Variants in NACA observed in about 807,000 individuals in gnomAD.
NACA encodes nascent polypeptide-associated complex subunit alpha.
In NACA, 42 loss-of-function variants were observed where a neutral mutation model predicts 86.4. The ratio of observed to expected loss-of-function variants is 0.49; its 90% confidence interval spans 0.38 to 0.63. NACA has a LOEUF of 0.63. Ranked by LOEUF, NACA falls within the 20% of genes least tolerant of loss-of-function variation. The probability of loss-of-function intolerance (pLI) is 0.00; values close to 1 mark genes in which losing one functional copy is unlikely to be tolerated. For synonymous variants in NACA, 898 were observed against 973.7 expected (o/e 0.92, Z 1.45); for missense variants, 2,157 against 2,483.6 (o/e 0.87, Z 2.80).
In NACA at chr12:56,719,878, A is replaced by G. The variant is rs756087720; in HGVS notation, c.1652T>C (p.Leu551Pro). The change falls in exon 3 of 9, where the codon CTC becomes CCC. Residue 551 changes from leucine (L) to proline (P), a missense_variant. By Grantham distance (98) the Leu-to-Pro change is moderately conservative (BLOSUM62 -3). Transcript: ENST00000454682. The stretch of plus-strand genomic sequence containing the variant: ...TACAGTAGGGTCTTTCTTGGTGGTG[A>G]GTCCTGCTTGGGCTGGAGAGAAAGG... ...GAPFSPAQAG[L>P]TTKKDPTVLP... 6.2e-7 allele frequency: 1 copy of G among 1,613,860 alleles called. No homozygotes were observed. Among genetic ancestry groups the G allele is most frequent in the Non-Finnish European group, 8.5e-7 (1 of 1,179,844 alleles).
intron 3 of NACA, among the ~76,000 whole-genome samples, chr12:56,715,539 T>A (rs1007927641): frequency 6.6e-6 from 1 of 152,084 alleles, no homozygotes; most frequent in Admixed American, 6.6e-5. Flanking sequence ...TGGTAGGGAT[T>A]AGAGCAAATG....
chr12:56,712,618 C>A, intron 8 of NACA, 66 bp from the exon 9 acceptor site: 2 of 1,600,604 alleles, frequency 1.2e-6, no homozygotes, highest in Non-Finnish European at 1.7e-6. Context: ...GTCACTAAAA[C>A]TCTTACAGGC....
In NACA at chr12:56,716,036, G is replaced by C. The variant is rs747919109; in HGVS notation, c.5494C>G (p.Leu1832Val). The C allele has an allele frequency of 2.0e-5, 32 of 1,607,080 alleles. No individual in the cohort carries two copies. The highest frequency in any genetic ancestry group is 2.7e-5 in the Non-Finnish European group (32 of 1,175,472). The part of the protein sequence containing the change: ...GLVLESPSKP[L>V]APADEDELLP... ...AGCTCATCCTCATCAGCAGGGGCAA[G>C]GGGTTTAGAGGGTGATTCCAACACC... Residue 1832 changes from leucine (L) to valine (V), a missense_variant, in exon 3 of 9, where the codon CTT becomes GTT. Coordinates refer to ENST00000454682, the MANE Select transcript of NACA (RefSeq NM_001365896.1).
At chr12:56,721,521 G>T in intron 2 of NACA, 62 bp from the exon 3 acceptor site, 1 of 1,150,902 alleles carries the variant, frequency 8.7e-7, no homozygotes, top group Non-Finnish European at 1.2e-6. Context: ...GGTGAGTTAT[G>T]CAGCCCAACT....
Position 56,715,929 on chromosome 12 carries a change from A to G in NACA, c.5601T>C (p.Ser1867=), listed in dbSNP as rs775647569. The G allele has an allele frequency of 3.9e-6, 6 of 1,523,392 alleles. No individual in the cohort carries two copies. In the African/African-American group the frequency reaches 7.0e-5, roughly 18 times the overall value. 94.4% of individuals were successfully genotyped at this position (1,523,392 alleles called of 1,614,324 possible). The change falls in exon 3 of 9, where the codon TCT becomes TCC. Residue 1867 remains serine (S), a synonymous_variant. Transcript: ENST00000454682. The part of the protein sequence containing the change: ...SVLVNMPTPK[S]AGIPVPTPSA... ...AGGGGGTTGGGACAGGGATTCCAGC[A>G]GATTTAGGGGTGGGCATGTTGACGA...
intron 2 of NACA, among the ~76,000 whole-genome samples, chr12:56,723,008 C>T (rs1356679343): frequency 6.6e-6 from 1 of 152,166 alleles, no homozygotes; most frequent in East Asian, 1.9e-4. Context: ...CTAGTTTTTC[C>T]TGGAGAGTGG....
At chr12:56,715,184 T>C (rs972776647) in intron 3 of NACA, among the ~76,000 whole-genome samples, 17 of 152,310 alleles carry the variant, frequency 1.1e-4, no homozygotes, top group African/African-American at 3.8e-4. Flanking sequence ...CACGTACACA[T>C]ATTCAGCCTC....
chr12:56,714,795 A>C (rs1287076351), intron 3 of NACA, 108 bp from the exon 4 acceptor site: 31 of 988,572 alleles, frequency 3.1e-5, no homozygotes, highest in Non-Finnish European at 4.7e-5. Context: ...TAGACCTAAG[A>C]ATGTTAAATG....
Position 56,720,306 on chromosome 12 carries a change from A to C in NACA, c.1224T>G (p.Ser408=), listed in dbSNP as rs1298277856. ...SLNVATSFSL[S]PTTSLILKSS... is the part of the protein sequence containing the mutation. ...TTTTGAGAATGAGAGAGGTTGTAGG[A>C]GATAATGAAAAAGAGGTAGCTACAT... The change falls in exon 3 of 9, where the codon TCT becomes TCG. Residue 408 remains serine (S), a synonymous_variant. Coordinates refer to ENST00000454682, the MANE Select transcript of NACA (RefSeq NM_001365896.1). 1 of 1,613,862 alleles carries C rather than the reference A, an allele frequency of 6.2e-7. No homozygotes were observed. Among genetic ancestry groups the C allele is most frequent in the Non-Finnish European group, 8.5e-7 (1 of 1,179,834 alleles).
intron 2 of NACA, among the ~76,000 whole-genome samples, chr12:56,721,666 C>A (rs1428723499): frequency 1.3e-5 from 2 of 152,160 alleles, no homozygotes; most frequent in African/African-American, 4.8e-5. Context: ...AGAAGACATT[C>A]CCCTCCTAAT....
Position 56,720,477 on chromosome 12 carries a change from A to G in NACA, c.1053T>C (p.Pro351=). The G allele has an allele frequency of 6.2e-7, 1 of 1,613,762 alleles. No individual in the cohort carries two copies. The highest frequency in any genetic ancestry group is 1.3e-5 in the African/African-American group (1 of 75,030). Residue 351 remains proline, a synonymous_variant, in exon 3 of 9, where the codon CCT becomes CCC. Coordinates refer to ENST00000454682, the MANE Select transcript of NACA (RefSeq NM_001365896.1). ...GGGGAGGAATTACAGATCTCTGAGAAGGATAAGAGGCCCCTGTGGAAGAAT... is the reference window on the plus strand; with the variant it reads ...GGGGAGGAATTACAGATCTCTGAGAGGGATAAGAGGCCCCTGTGGAAGAAT... ...VDHSSTGASY[P]SQRSVIPPLP... is the part of the protein sequence containing the mutation.
Position 56,720,088 on chromosome 12 carries a change from G to A in NACA, c.1442C>T (p.Ala481Val), listed in dbSNP as rs1953529108. Reference sequence around the variant, plus strand: ...AGCCACAGGTGCCATAACCAAGGCAGCAGGGGAAGTTGGTTCTATGTTACT... The same window carrying A: ...AGCCACAGGTGCCATAACCAAGGCAACAGGGGAAGTTGGTTCTATGTTACT... ...PISNIEPTSPAALVMAPVAPK... is the reference protein window; with the variant it reads ...PISNIEPTSPVALVMAPVAPK... Residue 481 changes from alanine to valine, a missense_variant, in exon 3 of 9, where the codon GCT becomes GTT. Ala to Val is a moderately conservative substitution (Grantham distance 64). This residue lies in a region of NACA where 947 missense variants were observed against 917.9 expected (regional missense o/e 1.03). Transcript: ENST00000454682. 1 of 1,613,990 alleles carries A rather than the reference G, an allele frequency of 6.2e-7. No homozygotes were observed. The highest frequency in any genetic ancestry group is 1.3e-5 in the African/African-American group (1 of 75,030).
chr12:56,720,508 A>G lies in NACA; in HGVS notation c.1022T>C (p.Val341Ala). The G allele has an allele frequency of 1.2e-6, 2 of 1,613,866 alleles. No homozygotes were observed. Among genetic ancestry groups the G allele is most frequent in the Non-Finnish European group, 1.7e-6 (2 of 1,179,802 alleles). ...LSDPTVKTISVDHSSTGASYP... is the reference protein window; with the variant it reads ...LSDPTVKTISADHSSTGASYP... The stretch of plus-strand genomic sequence containing the variant: ...AGAGGCCCCTGTGGAAGAATGATCT[A>G]CAGAAATGGTCTTCACTGTAGGGTC... The change falls in exon 3 of 9, where the codon GTA becomes GCA. Residue 341 changes from valine to alanine, a missense_variant. Transcript: ENST00000454682.
At chr12:56,724,414 T>C in intron 2 of NACA, 38 bp downstream of exon 2, 1 of 1,579,214 alleles carries the variant, frequency 6.3e-7, no homozygotes. Flanking sequence ...GCTTTAGGGT[T>C]AATTTTAATT....
At position 56,720,098 on chromosome 12, in the gene NACA, T is replaced by C. The variant is rs1352080909; in HGVS notation, c.1432A>G (p.Thr478Ala). 1.2e-6 allele frequency: 2 copies of C among 1,613,740 alleles called. No individual in the cohort carries two copies. The highest frequency in any genetic ancestry group is 3.3e-5 in the Admixed American group (2 of 60,002). ...GCCATAACCAAGGCAGCAGGGGAAG[T>C]TGGTTCTATGTTACTTATGGGACCT... ...SSGPISNIEP[T>A]SPAALVMAPV... Residue 478 changes from threonine (T) to alanine (A), a missense_variant, in exon 3 of 9, where the codon ACT becomes GCT. By Grantham distance (58) the Thr-to-Ala change is moderately conservative (BLOSUM62 0). This residue lies in a region of NACA where 947 missense variants were observed against 917.9 expected (regional missense o/e 1.03). Transcript: ENST00000454682.
At position 56,720,544 on chromosome 12, in the gene NACA, C is replaced by A; in HGVS notation, c.986G>T (p.Ser329Ile). 6.2e-7 allele frequency: 1 copy of A among 1,613,952 alleles called. No homozygotes were observed. The highest frequency in any genetic ancestry group is 8.5e-7 in the Non-Finnish European group (1 of 1,179,854). ...SVQLLGQTGP[S>I]ALSDPTVKTI... ...CTTCACTGTAGGGTCTGACAAAGCACTAGGACCTGTTTGACCTAAAAGTTG... is the reference window on the plus strand; with the variant it reads ...CTTCACTGTAGGGTCTGACAAAGCAATAGGACCTGTTTGACCTAAAAGTTG... Residue 329 changes from serine (S) to isoleucine (I), a missense_variant, in exon 3 of 9, where the codon AGT becomes ATT. Coordinates refer to ENST00000454682, the MANE Select transcript of NACA (RefSeq NM_001365896.1).
rs1565896487 is a variant in NACA, at chr12:56,718,799, G to C, written c.2731C>G (p.Leu911Val). Residue 911 changes from leucine (L) to valine (V), a missense_variant, in exon 3 of 9, where the codon CTA becomes GTA. By Grantham distance (32) the Leu-to-Val change is conservative. Transcript: ENST00000454682. ...TTGGGGGAGGAAGAAGTCATGGATA[G>C]AGCAGGAGCCTGTTTGGGTGCTGGA... ...ATPAPKQAPALSMTSSSPKKA... is the reference protein window; with the variant it reads ...ATPAPKQAPAVSMTSSSPKKA... 6.9e-7 allele frequency: 1 copy of C among 1,446,046 alleles called. No individual in the cohort carries two copies. The highest frequency in any genetic ancestry group is 1.4e-5 in the African/African-American group (1 of 71,484). The allele number at this position is 1,446,046 out of a possible 1,614,324, so 89.6% of individuals were successfully genotyped here.
At position 56,721,187 on chromosome 12, in the gene NACA, C is replaced by G; in HGVS notation, c.343G>C (p.Ala115Pro). 6.2e-7 allele frequency: 1 copy of G among 1,613,864 alleles called. No homozygotes were observed. Among genetic ancestry groups the G allele is most frequent in the Non-Finnish European group, 8.5e-7 (1 of 1,179,854 alleles). ...NLIGPPISPA[A>P]LALASPMIAP... The stretch of plus-strand genomic sequence containing the variant: ...ATCATGGGAGAGGCTAGAGCTAAGG[C>G]AGCTGGGGAGATGGGAGGCCCTATT... Residue 115 changes from alanine to proline, a missense_variant, in exon 3 of 9, where the codon GCC becomes CCC. By Grantham distance (27) the Ala-to-Pro change is conservative. Around this residue, in one of 8 missense-constraint regions of NACA, gnomAD observed 947 missense variants for 917.9 expected, o/e 1.03. Transcript: ENST00000454682.
rs1025629678 is a variant in NACA, at chr12:56,716,030, G to C, written c.5500C>G (p.Pro1834Ala). 2.5e-6 allele frequency: 4 copies of C among 1,605,812 alleles called. No individual in the cohort carries two copies. Among genetic ancestry groups the C allele is most frequent in the Non-Finnish European group, 3.4e-6 (4 of 1,174,776 alleles). ...GGCAGCAGCTCATCCTCATCAGCAG[G>C]GGCAAGGGGTTTAGAGGGTGATTCC... The part of the protein sequence containing the change: ...VLESPSKPLA[P>A]ADEDELLPLI... Residue 1834 changes from proline to alanine, a missense_variant, in exon 3 of 9, where the codon CCT becomes GCT. Physicochemically the swap from Pro to Ala is conservative, Grantham distance 27. Coordinates refer to ENST00000454682, the MANE Select transcript of NACA (RefSeq NM_001365896.1).
Sources: allele counts gnomAD v4.1 joint callset (sites outside exome capture counted in the v4.1 genomes callset), GRCh38; gene constraint gnomAD v4.1.1; regional missense constraint gnomAD v4.1.1; transcripts MANE v1.5; gene names NCBI Gene and HGNC (gene_info 2026-07-23, HGNC 2026-07-21).